Variants in FSHR observed in about 807,000 individuals in gnomAD.
The protein encoded by FSHR is follicle-stimulating hormone receptor.
In FSHR, 46 loss-of-function variants were observed where a neutral mutation model predicts 52.1. That is an observed-to-expected ratio of 0.88 (90% confidence interval 0.70 to 1.13). The LOEUF is 1.13. FSHR is among the 50% of genes most tolerant of loss of function. The probability of loss-of-function intolerance (pLI) is 0.00; values close to 1 mark genes in which losing one functional copy is unlikely to be tolerated. For synonymous variants in FSHR, 399 were observed against 309.6 expected, an observed-to-expected ratio of 1.29 and a Z score of -3.03; for missense variants, 964 against 834.6, an observed-to-expected ratio of 1.16 and a Z score of -1.91.
chr2:49,153,305 CAG>C (rs1459617225), intron 1 of FSHR, among the ~76,000 whole-genome samples: 5 of 152,306 alleles, frequency 3.3e-5, no homozygotes, highest in Admixed American at 3.3e-4. Context: ...AATAAAAACA[CAG>C]AGAGTATCTA....
At chr2:49,076,272 G>A (rs565642906) in intron 1 of FSHR, among the ~76,000 whole-genome samples, 59 of 152,314 alleles carry the variant, frequency 3.9e-4, no homozygotes, top group African/African-American at 1.4e-3. Flanking sequence ...ACAGTTCCAC[G>A]TGGCTGGGGA....
intron 8 of FSHR, 111 bp from the exon 9 acceptor site, chr2:48,968,994 G>T: frequency 2.0e-6 from 2 of 989,578 alleles, no homozygotes; most frequent in Non-Finnish European, 1.5e-6. Context: ...CATGGATGAG[G>T]AGAGAGACTC....
chr2:49,056,744 C>T (rs1669080937), intron 2 of FSHR, among the ~76,000 whole-genome samples: 1 of 151,770 alleles, frequency 6.6e-6, no homozygotes, highest in South Asian at 2.1e-4. Flanking sequence ...TCAGAATTGG[C>T]CATATTGTTT....
intron 2 of FSHR, among the ~76,000 whole-genome samples, chr2:49,045,987 A>G (rs1012843588): frequency 1.3e-5 from 2 of 152,196 alleles, no homozygotes; most frequent in African/African-American, 4.8e-5. Context: ...AAAACACTAT[A>G]TGGAGAAAGT....
rs561007458 is a variant in FSHR, at chr2:49,111,708, T to C, written c.152+42558A>G. The stretch of plus-strand genomic sequence containing the variant: ...TGCAGCTGGTGCTCCCCACGGCTCC[T>C]CAGCAAGTGTCTATTATGAGTTTTC... On this transcript the variant is annotated intron_variant, in intron 1 of 9. Coordinates refer to ENST00000406846, the MANE Select transcript of FSHR (RefSeq NM_000145.4). 5.3e-5 allele frequency among the ~76,000 whole-genome samples: 8 copies of C among 152,286 alleles called. No homozygotes were observed. The East Asian group carries it at 1.5e-3, about 29-fold the overall frequency.
At chr2:49,123,943 A>C (rs992816104) in intron 1 of FSHR, among the ~76,000 whole-genome samples, 1 of 151,816 alleles carries the variant, frequency 6.6e-6, no homozygotes, top group Non-Finnish European at 1.5e-5. Flanking sequence ...TTTTAAAGCT[A>C]TTACTGAGGT....
intron 5 of FSHR, among the ~76,000 whole-genome samples, chr2:48,990,197 C>T (rs967971427): frequency 6.6e-6 from 1 of 151,926 alleles, no homozygotes; most frequent in Non-Finnish European, 1.5e-5. Flanking sequence ...TTTCTTTGTG[C>T]CCAGGGCAGC....
chr2:48,965,632 G>C (rs1242577300), intron 9 of FSHR, among the ~76,000 whole-genome samples: 2 of 152,134 alleles, frequency 1.3e-5, no homozygotes, highest in Admixed American at 1.3e-4. Flanking sequence ...ACTGCAGTTT[G>C]GTTCATTGGA....
chr2:49,075,737 G>A (rs1266265122), intron 1 of FSHR, among the ~76,000 whole-genome samples: 1 of 151,744 alleles, frequency 6.6e-6, no homozygotes, highest in Admixed American at 6.6e-5. Flanking sequence ...AATTGATCCT[G>A]CCCCCTCAAC....
At chr2:48,968,213 G>A (rs1205246791) in intron 9 of FSHR, among the ~76,000 whole-genome samples, 2 of 152,184 alleles carry the variant, frequency 1.3e-5, no homozygotes, top group Non-Finnish European at 2.9e-5. Context: ...TGTGAGGTAG[G>A]AAGATCCCAA....
intron 2 of FSHR, among the ~76,000 whole-genome samples, chr2:49,048,606 T>G (rs1668746982): frequency 6.6e-6 from 1 of 152,230 alleles, no homozygotes; most frequent in African/African-American, 2.4e-5. Flanking sequence ...TATAAAACAT[T>G]TGGCATAAAC....
At chr2:48,988,011 C>G (rs754302397) in intron 6 of FSHR, among the ~76,000 whole-genome samples, 2 of 152,116 alleles carry the variant, frequency 1.3e-5, no homozygotes, top group South Asian at 4.1e-4. Flanking sequence ...AATTTCTATG[C>G]TAATCTGTTT....
chr2:49,033,284 G>A (rs561150406), intron 2 of FSHR, among the ~76,000 whole-genome samples: 1 of 152,166 alleles, frequency 6.6e-6, no homozygotes, highest in Non-Finnish European at 1.5e-5. Context: ...AGTTGAGTGT[G>A]ATTTTTTTTC....
At chr2:49,106,660 G>A (rs996419795) in intron 1 of FSHR, among the ~76,000 whole-genome samples, 10 of 152,134 alleles carry the variant, frequency 6.6e-5, no homozygotes, top group Non-Finnish European at 1.3e-4. Flanking sequence ...TCTTGACACC[G>A]AATCTGTGTC....
chr2:48,975,897 T>C (rs1242074579), intron 8 of FSHR, among the ~76,000 whole-genome samples: 2 of 152,200 alleles, frequency 1.3e-5, no homozygotes, highest in African/African-American at 4.8e-5. Context: ...GCAGAGATGA[T>C]GGGGTTTTCT....
At chr2:49,133,444 C>A (rs1672368006) in intron 1 of FSHR, among the ~76,000 whole-genome samples, 1 of 152,174 alleles carries the variant, frequency 6.6e-6, no homozygotes, top group South Asian at 2.1e-4. Flanking sequence ...GAAGAACATT[C>A]CATGCTCATA....
At chr2:48,966,892 A>G (rs895741263) in intron 9 of FSHR, among the ~76,000 whole-genome samples, 10 of 152,158 alleles carry the variant, frequency 6.6e-5, no homozygotes, top group Non-Finnish European at 1.3e-4. Context: ...AGCAACCTAG[A>G]GGGATGAGAG....
At chr2:49,128,660 AG>A (rs950776327) in intron 1 of FSHR, among the ~76,000 whole-genome samples, 23 of 148,834 alleles carry the variant, frequency 1.5e-4, no homozygotes, top group African/African-American at 5.7e-4. Context: ...AGAATTGTCC[AG>A]GAAGGTGTTG....
intron 2 of FSHR, among the ~76,000 whole-genome samples, chr2:49,042,393 G>A (rs545171150): frequency 1.3e-5 from 2 of 152,136 alleles, no homozygotes; most frequent in African/African-American, 4.8e-5. Context: ...GATAGAACAA[G>A]AGCAGAGAAA....
Sources: gnomAD v4.1 joint callset for allele counts (sites outside exome capture counted in the v4.1 genomes callset) on GRCh38, gnomAD v4.1.1 for gene constraint, MANE v1.5 for transcripts, NCBI Gene and HGNC (gene_info 2026-07-23, HGNC 2026-07-21) for gene names.